Variants in INVS observed in about 807,000 individuals in gnomAD.
The protein encoded by INVS is inversion of embryo turning homolog.
A neutral mutation model predicts 108.8 loss-of-function variants in INVS; 86 were observed. That is an observed-to-expected ratio of 0.79 (90% confidence interval 0.66 to 0.95). The LOEUF (loss-of-function observed/expected upper bound fraction) is 0.95, where lower values mean the gene tolerates loss of function less well. Among genes scored for constraint, INVS ranks in the 40% least tolerant of loss-of-function variants. The probability of loss-of-function intolerance (pLI) is 0.00; values close to 1 mark genes in which losing one functional copy is unlikely to be tolerated. For synonymous variants in INVS, 455 were observed against 473.5 expected (o/e 0.96, Z 0.51); for missense variants, 1,169 against 1,297.4 (o/e 0.90, Z 1.52).
intron 3 of INVS, among the ~76,000 whole-genome samples, chr9:100,163,299 A>G (rs1376328206): frequency 6.6e-6 from 1 of 151,716 alleles, no homozygotes; most frequent in South Asian, 2.1e-4. Context: ...ACCACCTCAC[A>G]TGTTGTTACC....
intron 14 of INVS, among the ~76,000 whole-genome samples, chr9:100,295,021 G>A (rs370174358): frequency 5.3e-5 from 8 of 152,284 alleles, no homozygotes; most frequent in African/African-American, 1.2e-4. Flanking sequence ...AGTCGGCCTC[G>A]AAAGCCACAG....
intron 3 of INVS, among the ~76,000 whole-genome samples, chr9:100,223,722 T>C (rs1000974539): frequency 6.6e-6 from 1 of 152,226 alleles, no homozygotes; most frequent in African/African-American, 2.4e-5. Context: ...AGAGGAAATA[T>C]CCAGCAGAGT....
intron 11 of INVS, among the ~76,000 whole-genome samples, chr9:100,268,022 A>C (rs982008726): frequency 2.6e-5 from 4 of 152,164 alleles, no homozygotes; most frequent in African/African-American, 9.7e-5. Flanking sequence ...TGTTACAGGA[A>C]AGTGGTCCCG....
At position 100,240,077 on chromosome 9, in the gene INVS, G is replaced by C. The variant is rs1002167653; in HGVS notation, c.633G>C (p.Glu211Asp). 1.9e-6 allele frequency: 3 copies of C among 1,614,140 alleles called. No individual in the cohort carries two copies. Among genetic ancestry groups the C allele is most frequent in the Non-Finnish European group, 2.5e-6 (3 of 1,179,998 alleles). The change falls in exon 6 of 17, where the codon GAG becomes GAC. Residue 211 changes from glutamate (E) to aspartate (D), a missense_variant. By Grantham distance (45) the Glu-to-Asp change is conservative. Coordinates refer to ENST00000262457, the MANE Select transcript of INVS (RefSeq NM_014425.5). ...VRCILDAAPT[E>D]SLLNWQDYEG... Reference sequence around the variant, plus strand: ...CAAATCAGGATGCTGCTCCAACAGAGTCTTTACTGAACTGGCAAGACTACG... The same window carrying C: ...CAAATCAGGATGCTGCTCCAACAGACTCTTTACTGAACTGGCAAGACTACG...
intron 3 of INVS, among the ~76,000 whole-genome samples, chr9:100,193,197 C>A (rs191963072): frequency 1.2e-4 from 18 of 152,102 alleles, no homozygotes; most frequent in Admixed American, 1.1e-3. Flanking sequence ...CCAGGCTGGT[C>A]TTATACTGCT....
intron 3 of INVS, among the ~76,000 whole-genome samples, chr9:100,155,037 A>AC (rs1015924564): frequency 6.6e-6 from 1 of 152,058 alleles, no homozygotes; most frequent in African/African-American, 2.4e-5. Flanking sequence ...ACATGGTGAA[A>AC]CCCCATCTCT....
At chr9:100,172,620 G>C (rs1398035964) in intron 3 of INVS, among the ~76,000 whole-genome samples, 1 of 152,126 alleles carries the variant, frequency 6.6e-6, no homozygotes, top group Non-Finnish European at 1.5e-5. Context: ...TGGTTACAGA[G>C]GTTCAGCAGG....
chr9:100,210,448 G>T (rs1459170706), intron 3 of INVS, among the ~76,000 whole-genome samples: 1 of 152,114 alleles, frequency 6.6e-6, no homozygotes, highest in South Asian at 2.1e-4. Context: ...TTGGGAGCAG[G>T]AACAAGATGG....
At chr9:100,246,504 C>CA (rs1832052967) in intron 7 of INVS, 112 bp from the exon 8 acceptor site, 2 of 725,242 alleles carry the variant, frequency 2.8e-6, no homozygotes, top group East Asian at 5.4e-5. Context: ...GATTCAAAAG[C>CA]AAGGGGAAAA....
intron 15 of INVS, 95 bp from the exon 16 acceptor site, chr9:100,297,841 A>G: frequency 8.0e-7 from 1 of 1,252,768 alleles, no homozygotes; most frequent in Non-Finnish European, 1.2e-6. Context: ...ACACACCTGC[A>G]AGCTCAAGCC....
chr9:100,259,354 C>T (rs756370545), intron 10 of INVS, among the ~76,000 whole-genome samples: 7 of 152,202 alleles, frequency 4.6e-5, no homozygotes, highest in East Asian at 1.9e-4. Context: ...GGGAATTCCC[C>T]GACCCCTTGC....
At chr9:100,111,318 C>T (rs186001262) in intron 2 of INVS, among the ~76,000 whole-genome samples, 11 of 152,372 alleles carry the variant, frequency 7.2e-5, no homozygotes, top group Admixed American at 7.2e-4. Context: ...GTCATTTCCT[C>T]TAACTGCTAG....
At chr9:100,101,709 C>G (rs1304004006) in intron 1 of INVS, 1 of 152,138 alleles carries the variant, frequency 6.6e-6, no homozygotes, top group East Asian at 1.9e-4. Context: ...ACTCTCAGAT[C>G]CCCAGGAGTA....
rs1443049165 is a variant in INVS at position 100,182,474 on chromosome 9, C to T, written c.274-43588C>T. On this transcript the variant is annotated intron_variant, in intron 3 of 16. Coordinates refer to ENST00000262457, the MANE Select transcript of INVS (RefSeq NM_014425.5). ...ATATAAACAGACACGTCTCAAAAAACAGACACTGTCTTCAAAAGACGACAT... is the reference window on the plus strand; with the variant it reads ...ATATAAACAGACACGTCTCAAAAAATAGACACTGTCTTCAAAAGACGACAT... 2.0e-5 allele frequency among the ~76,000 whole-genome samples: 3 copies of T among 151,722 alleles called. No homozygotes were observed. The South Asian group carries it at 6.2e-4, about 31-fold the overall frequency.
chr9:100,112,451 T>A (rs1819924094), intron 2 of INVS, among the ~76,000 whole-genome samples: 1 of 152,178 alleles, frequency 6.6e-6, no homozygotes, highest in South Asian at 2.1e-4. Flanking sequence ...CTGTATCTTA[T>A]ATAAGACTTA....
At chr9:100,126,039 T>C (rs846762) in intron 2 of INVS, among the ~76,000 whole-genome samples, 69,753 of 152,068 alleles carry the variant, frequency 0.46, 17,515 homozygotes, top group East Asian at 0.9. Flanking sequence ...TAGTGTACAA[T>C]TGGCATTAAT....
intron 3 of INVS, among the ~76,000 whole-genome samples, chr9:100,153,340 A>G (rs1279008823): frequency 6.6e-6 from 1 of 152,142 alleles, no homozygotes; most frequent in East Asian, 1.9e-4. Flanking sequence ...CCTCATATAT[A>G]AGGTGGAGAA....
rs527349256 is a variant in INVS at position 100,292,199 on chromosome 9, T to G, written c.2069-127T>G. On this transcript the variant is annotated intron_variant, in intron 13 of 16. Transcript: ENST00000262457. ...GGAAATAGAAGTTAAACCGTTTTTT[T>G]CCTAGTCTGTAACTGCCACTATTAT... is the stretch of plus-strand genomic sequence containing the variant. 10 of 876,792 alleles carry G rather than the reference T, an allele frequency of 1.1e-5. No individual in the cohort carries two copies. The East Asian group carries it at 2.5e-4, about 22-fold the overall frequency. 54.3% of individuals were successfully genotyped at this position (876,792 alleles called of 1,614,324 possible).
chr9:100,200,122 T>C (rs1370612278), intron 3 of INVS, among the ~76,000 whole-genome samples: 1 of 152,184 alleles, frequency 6.6e-6, no homozygotes, highest in African/African-American at 2.4e-5. Flanking sequence ...TACTTTCCAA[T>C]TCTGGAACTT....
Sources: gnomAD v4.1 joint callset for allele counts (sites outside exome capture counted in the v4.1 genomes callset) on GRCh38, gnomAD v4.1.1 for gene constraint, MANE v1.5 for transcripts, NCBI Gene and HGNC (gene_info 2026-07-23, HGNC 2026-07-21) for gene names.